Variants in EEIG2 observed in about 807,000 individuals in gnomAD.
EEIG2 encodes the protein EEIG family member 2.
chr1:108,566,715 C>A, the EEIG2 span, among the ~76,000 whole-genome samples: 1 of 151,670 alleles, frequency 6.6e-6, no homozygotes, highest in Non-Finnish European at 1.5e-5. Flanking sequence ...AAAAGGAAAT[C>A]CTGTCATTTG....
At chr1:108,572,427 A>G in the EEIG2 span, among the ~76,000 whole-genome samples, 15 of 151,428 alleles carry the variant, frequency 9.9e-5, no homozygotes, top group Non-Finnish European at 7.4e-5. Flanking sequence ...CATCATTATC[A>G]CCCAAAGTTC....
chr1:108,619,490 T>C, the EEIG2 span, among the ~76,000 whole-genome samples: 111 of 152,330 alleles, frequency 7.3e-4, 2 homozygotes, highest in East Asian at 0.02. Context: ...TTTAAATATA[T>C]GTCAAATATG....
At chr1:108,578,622 ACCCAG>A in the EEIG2 span, among the ~76,000 whole-genome samples, 1 of 151,768 alleles carries the variant, frequency 6.6e-6, no homozygotes, top group Non-Finnish European at 1.5e-5. Flanking sequence ...GCGTATATTG[ACCCAG>A]CCTTGCATCC....
the EEIG2 span, among the ~76,000 whole-genome samples, chr1:108,621,285 G>A: frequency 6.6e-6 from 1 of 152,180 alleles, no homozygotes; most frequent in African/African-American, 2.4e-5. Flanking sequence ...CACATGGCAA[G>A]CACTCAGTGA....
the EEIG2 span, chr1:108,624,668 T>C: frequency 6.2e-6 from 10 of 1,614,136 alleles, no homozygotes; most frequent in East Asian, 2.0e-4. Context: ...TCAATGTCTA[T>C]ACCAATTGCT....
chr1:108,570,193 T>G, the EEIG2 span, among the ~76,000 whole-genome samples: 3 of 152,168 alleles, frequency 2.0e-5, no homozygotes, highest in Non-Finnish European at 2.9e-5. Context: ...AGAGAATTCC[T>G]TAGCAGGGTT....
chr1:108,573,191 C>G, the EEIG2 span, among the ~76,000 whole-genome samples: 1 of 152,142 alleles, frequency 6.6e-6, no homozygotes, highest in East Asian at 1.9e-4. Context: ...ATTTGTGAGG[C>G]AATGAGGGCA....
the EEIG2 span, among the ~76,000 whole-genome samples, chr1:108,575,578 T>C: frequency 1.3e-5 from 2 of 152,208 alleles, no homozygotes; most frequent in Non-Finnish European, 2.9e-5. Context: ...CATCAGTTGA[T>C]GAAAGGATAA....
At chr1:108,614,227 A>AAT in the EEIG2 span, among the ~76,000 whole-genome samples, 1 of 150,746 alleles carries the variant, frequency 6.6e-6, no homozygotes, top group African/African-American at 2.4e-5. Flanking sequence ...AAAAAAAAAA[A>AAT]ATACTCCTGG....
At chr1:108,574,925 A>G in the EEIG2 span, among the ~76,000 whole-genome samples, 2 of 152,260 alleles carry the variant, frequency 1.3e-5, no homozygotes, top group Non-Finnish European at 2.9e-5. Flanking sequence ...TTTAAACTTC[A>G]TAATTTAGGA....
chr1:108,590,220 A>T, the EEIG2 span, among the ~76,000 whole-genome samples: 35 of 152,234 alleles, frequency 2.3e-4, 2 homozygotes, highest in African/African-American at 7.0e-4. Context: ...GATGTATGAG[A>T]TGTTCATTTA....
At chr1:108,560,858 T>C in the EEIG2 span, among the ~76,000 whole-genome samples, 1 of 152,154 alleles carries the variant, frequency 6.6e-6, no homozygotes, top group Non-Finnish European at 1.5e-5. Context: ...GACATTTCCA[T>C]ATTTGTGAAA....
the EEIG2 span, among the ~76,000 whole-genome samples, chr1:108,587,414 G>A: frequency 1.3e-5 from 2 of 152,000 alleles, no homozygotes; most frequent in African/African-American, 4.8e-5. Flanking sequence ...CTTCCTTGAC[G>A]CAGCATCATC....
chr1:108,565,780 G>A, the EEIG2 span, among the ~76,000 whole-genome samples: 1 of 152,162 alleles, frequency 6.6e-6, no homozygotes, highest in Admixed American at 6.5e-5. Flanking sequence ...TTTGGCCAGA[G>A]TACATCCTTC....
At chr1:108,621,984 G>A in the EEIG2 span, among the ~76,000 whole-genome samples, 4 of 151,986 alleles carry the variant, frequency 2.6e-5, no homozygotes, top group Non-Finnish European at 1.5e-5. Context: ...TGGCGAAACC[G>A]TGTCTCTACT....
At chr1:108,612,501 G>T in the EEIG2 span, among the ~76,000 whole-genome samples, 1 of 152,122 alleles carries the variant, frequency 6.6e-6, no homozygotes. Context: ...TGGTCCAAAG[G>T]TGTTTTTCTT....
chr1:108,581,577 A>G, the EEIG2 span, among the ~76,000 whole-genome samples: 2 of 152,304 alleles, frequency 1.3e-5, no homozygotes, highest in East Asian at 3.9e-4. Flanking sequence ...TTCGGTCCTC[A>G]TGGATGACTT....
At chr1:108,565,096 A>G in the EEIG2 span, among the ~76,000 whole-genome samples, 1 of 152,256 alleles carries the variant, frequency 6.6e-6, no homozygotes, top group African/African-American at 2.4e-5. Flanking sequence ...TGGTCAGGGT[A>G]AATTGTCAGA....
At chr1:108,582,891 G>T in the EEIG2 span, among the ~76,000 whole-genome samples, 1 of 152,080 alleles carries the variant, frequency 6.6e-6, no homozygotes, top group Non-Finnish European at 1.5e-5. Flanking sequence ...AGACTGGAAA[G>T]GTCCTCTGGG....
Sources: allele counts gnomAD v4.1 joint callset (sites outside exome capture counted in the v4.1 genomes callset), GRCh38; gene constraint gnomAD v4.1.1; transcripts MANE v1.5; gene names NCBI Gene and HGNC (gene_info 2026-07-23, HGNC 2026-07-21).